CDC42BPB: variants seen among roughly 807,000 people sequenced by gnomAD.
CDC42BPB encodes serine/threonine-protein kinase MRCK beta.
In CDC42BPB, 37 loss-of-function variants were observed where a neutral mutation model predicts 214.9. The ratio of observed to expected loss-of-function variants is 0.17; its 90% CI spans 0.13 to 0.23. CDC42BPB has a LOEUF of 0.23. Ranked by LOEUF, CDC42BPB falls within the 10% of genes least tolerant of loss-of-function variation. The pLI, the probability that CDC42BPB is intolerant of heterozygous loss-of-function variation, is 1.00. For synonymous variants in CDC42BPB, 931 were observed against 884.0 expected, an observed-to-expected ratio of 1.05 and a Z score of -0.94; for missense variants, 1,694 against 2,227.0, an observed-to-expected ratio of 0.76 and a Z score of 4.82.
chr14:102,970,315 G>C (rs1250249883), intron 13 of CDC42BPB, 54 bp from the exon 14 acceptor site: 16 of 1,558,490 alleles, frequency 1.0e-5, no homozygotes, highest in African/African-American at 1.4e-5. Flanking sequence ...TGCTTCACCA[G>C]TTACAGCAGC....
In CDC42BPB at chr14:102,954,263, GCCGAGCCATGT is replaced by G; in HGVS notation, c.2990_3000del (p.Asp997AlafsTer123). On this transcript the variant is annotated frameshift_variant and splice_region_variant, in exon 23 of 37. Transcript: ENST00000361246. LOFTEE classifies it high-confidence loss of function. ...GGCACAGCGGATGGCCTCTGCGGGG[GCCGAGCCATGT>G]CCTGGGAGACAAGCAGGACAGGTGA... 1 of 1,531,350 alleles carries G rather than the reference GCCGAGCCATGT, an allele frequency of 6.5e-7. No homozygotes were observed. The allele number at this position is 1,531,350 out of a possible 1,614,324, so 94.9% of individuals were successfully genotyped here. A position where few individuals can be genotyped will look rare whatever the true frequency, so the allele number is the denominator to read the frequency against.
At chr14:103,048,070 G>A (rs1408228695) in intron 1 of CDC42BPB, among the ~76,000 whole-genome samples, 1 of 152,172 alleles carries the variant, frequency 6.6e-6, no homozygotes, top group Non-Finnish European at 1.5e-5. Flanking sequence ...TGCAAGGAAT[G>A]AAAAGCACTC....
intron 1 of CDC42BPB, 23 bp downstream of exon 1, chr14:103,056,976 C>T (rs756793699): frequency 1.2e-5 from 17 of 1,380,382 alleles, no homozygotes; most frequent in Middle Eastern, 2.2e-4. Context: ...GCCGCAGGTC[C>T]GGCCCTGCCG....
intron 23 of CDC42BPB, 172 bp from the exon 24 acceptor site, chr14:102,952,775 GA>G (rs1166839094): frequency 2.1e-6 from 2 of 972,976 alleles, no homozygotes; most frequent in Non-Finnish European, 2.4e-6. Context: ...AAATAGTGGT[GA>G]AAACCACCTA....
At chr14:102,936,334 CAG>C (rs1308963269) in intron 36 of CDC42BPB, among the ~76,000 whole-genome samples, 1 of 152,212 alleles carries the variant, frequency 6.6e-6, no homozygotes, top group Non-Finnish European at 1.5e-5. Context: ...AGCTGAAGGA[CAG>C]AAACAGCCCA....
chr14:103,045,444 G>A (rs1888236061), intron 1 of CDC42BPB, among the ~76,000 whole-genome samples: 1 of 152,090 alleles, frequency 6.6e-6, no homozygotes, highest in Non-Finnish European at 1.5e-5. Context: ...GGTCTCCACA[G>A]GGACCCCTGC....
intron 26 of CDC42BPB, among the ~76,000 whole-genome samples, chr14:102,949,330 C>T (rs35744735): frequency 6.6e-6 from 1 of 152,266 alleles, no homozygotes; most frequent in Admixed American, 6.5e-5. Flanking sequence ...GCAAACGCTA[C>T]GGCCACGCAC....
chr14:103,049,376 C>A (rs959384137), intron 1 of CDC42BPB, among the ~76,000 whole-genome samples: 20 of 152,226 alleles, frequency 1.3e-4, no homozygotes, highest in Admixed American at 4.6e-4. Context: ...CCTCTTGGAG[C>A]AAGGCTGTCC....
At chr14:102,952,375 C>G (rs1480279041) in intron 24 of CDC42BPB, 123 bp downstream of exon 24, 3 of 631,910 alleles carry the variant, frequency 4.7e-6, no homozygotes, top group Non-Finnish European at 8.4e-6. Context: ...TCAAATCATG[C>G]CAATGACATT....
At chr14:102,997,116 T>C (rs193237241) in intron 5 of CDC42BPB, among the ~76,000 whole-genome samples, 137 of 152,218 alleles carry the variant, frequency 9.0e-4, no homozygotes, top group Middle Eastern at 3.4e-3. Flanking sequence ...AGGGGCTGTG[T>C]CTGCTTGGGA....
intron 1 of CDC42BPB, among the ~76,000 whole-genome samples, chr14:103,023,791 A>C (rs1290899829): frequency 1.7e-4 from 26 of 152,222 alleles, no homozygotes; most frequent in Non-Finnish European, 5.9e-5. Context: ...TCTAATATGC[A>C]GAATATATAT....
At chr14:103,052,200 T>C (rs1397494603) in intron 1 of CDC42BPB, among the ~76,000 whole-genome samples, 1 of 152,200 alleles carries the variant, frequency 6.6e-6, no homozygotes, top group Non-Finnish European at 1.5e-5. Flanking sequence ...TCCTATCTCA[T>C]GCTATTATAG....
intron 30 of CDC42BPB, among the ~76,000 whole-genome samples, chr14:102,942,509 C>T (rs1455622503): frequency 6.6e-6 from 1 of 152,212 alleles, no homozygotes; most frequent in Non-Finnish European, 1.5e-5. Context: ...ATGGTGCAGG[C>T]CACTCTGATA....
rs111785231 is a variant in CDC42BPB at position 102,950,303 on chromosome 14, C to T, written c.3309+163G>A. On this transcript the variant is annotated intron_variant, in intron 25 of 36. Coordinates refer to ENST00000361246, the MANE Select transcript of CDC42BPB (RefSeq NM_006035.4). ...CCCAGGCCATTCAGAACAGCGGCTG[C>T]GCCGACCTGATGGCCTCAGTGCCCA... 1.6e-3 allele frequency among the ~76,000 whole-genome samples: 251 copies of T among 152,372 alleles called. 2 individuals carry two copies. The highest frequency in any genetic ancestry group is 5.8e-3 in the African/African-American group (240 of 41,598).
intron 1 of CDC42BPB, among the ~76,000 whole-genome samples, chr14:103,054,768 C>G (rs1272788500): frequency 2.0e-5 from 3 of 152,222 alleles, no homozygotes; most frequent in African/African-American, 7.2e-5. Context: ...AGTTTGTAAT[C>G]ACAATTTCCA....
chr14:102,959,854 AAAAAAAG>A (rs1485798694), intron 20 of CDC42BPB, 144 bp from the exon 21 acceptor site: 13 of 1,316,192 alleles, frequency 9.9e-6, no homozygotes, highest in Middle Eastern at 3.0e-4. Context: ...AAAAAAAAAA[AAAAAAAG>A]GGGTCAGGCT....
chr14:102,993,711 C>A (rs1295451591), intron 5 of CDC42BPB, among the ~76,000 whole-genome samples: 1 of 152,142 alleles, frequency 6.6e-6, no homozygotes, highest in Non-Finnish European at 1.5e-5. Flanking sequence ...CTGTGAGTCA[C>A]CCATGTAAAT....
chr14:103,048,312 T>A (rs1375754992), intron 1 of CDC42BPB, among the ~76,000 whole-genome samples: 1 of 151,746 alleles, frequency 6.6e-6, no homozygotes, highest in African/African-American at 2.4e-5. Flanking sequence ...AGGAGGCCAA[T>A]GCGGGCGGAC....
intron 1 of CDC42BPB, among the ~76,000 whole-genome samples, chr14:103,024,833 C>A (rs910029520): frequency 1.3e-5 from 2 of 152,178 alleles, no homozygotes; most frequent in African/African-American, 4.8e-5. Flanking sequence ...CCCACCTCGG[C>A]CTTCCAAGGT....
Sources: allele counts gnomAD v4.1 joint callset (sites outside exome capture counted in the v4.1 genomes callset), GRCh38; gene constraint gnomAD v4.1.1; transcripts MANE v1.5; gene names NCBI Gene and HGNC (gene_info 2026-07-23, HGNC 2026-07-21).